FGD5: variants seen among roughly 807,000 people sequenced by gnomAD.
FGD5 encodes the protein FYVE, RhoGEF and PH domain-containing protein 5.
Under a neutral mutation model 133.4 loss-of-function variants are expected in FGD5, and 28 were observed. The ratio of observed to expected loss-of-function variants is 0.21; its 90% CI spans 0.16 to 0.29. The LOEUF is 0.29. Ranked by LOEUF, FGD5 falls within the 10% of genes least tolerant of loss-of-function variation. The pLI is 1.00. For synonymous variants in FGD5, 810 were observed against 776.5 expected, an observed-to-expected ratio of 1.04 and a Z score of -0.72; for missense variants, 1,858 against 1,895.2, an observed-to-expected ratio of 0.98 and a Z score of 0.36.
Position 14,933,347 on chromosome 3 carries a change from T to TC in FGD5, c.*182dup. 2 of 661,728 alleles carry TC rather than the reference T, an allele frequency of 3.0e-6. No homozygotes were observed. Among genetic ancestry groups the TC allele is most frequent in the Non-Finnish European group, 5.4e-6 (2 of 370,608 alleles). 41.0% of individuals were successfully genotyped at this position (661,728 alleles called of 1,614,324 possible). On this transcript the variant is annotated 3_prime_UTR_variant, in exon 20 of 20. Transcript: ENST00000285046. The stretch of plus-strand genomic sequence containing the variant: ...CTTGCCAACATCTTCATGAATGGAA[T>TC]CCTTAAGGGATATTTATGGACCTCT...
At chr3:14,892,556 G>T (rs1575236911) in intron 4 of FGD5, among the ~76,000 whole-genome samples, 2 of 152,036 alleles carry the variant, frequency 1.3e-5, no homozygotes, top group South Asian at 4.2e-4. Flanking sequence ...GGTGGCTCAT[G>T]CCTGTAATCC....
chr3:14,868,160 A>G (rs1253697626), intron 2 of FGD5, among the ~76,000 whole-genome samples: 1 of 152,038 alleles, frequency 6.6e-6, no homozygotes, highest in African/African-American at 2.4e-5. Context: ...GAGACATTCA[A>G]AGACTCGCTG....
At chr3:14,831,760 A>T (rs769414448) in intron 1 of FGD5, among the ~76,000 whole-genome samples, 1 of 152,208 alleles carries the variant, frequency 6.6e-6, no homozygotes, top group Non-Finnish European at 1.5e-5. Flanking sequence ...AGGTGCCAAG[A>T]TCAGCTAGTA....
intron 1 of FGD5, among the ~76,000 whole-genome samples, chr3:14,857,805 C>T (rs747419984): frequency 7.2e-5 from 11 of 152,144 alleles, no homozygotes; most frequent in Admixed American, 1.3e-4. Context: ...GAAACACCAC[C>T]AGTAGCTAAT....
chr3:14,846,323 T>C (rs115872065), intron 1 of FGD5, among the ~76,000 whole-genome samples: 1,845 of 152,224 alleles, frequency 0.012, 38 homozygotes, highest in African/African-American at 0.041. Flanking sequence ...TTTCAGCTCA[T>C]TGCCTCTCTT....
rs377288790 is a variant in FGD5 at position 14,886,061 on chromosome 3, C to T, written c.2748+5289C>T. 8.5e-5 allele frequency among the ~76,000 whole-genome samples: 13 copies of T among 152,314 alleles called. No homozygotes were observed. In the East Asian group the frequency reaches 1.3e-3, roughly 16 times the overall value. ...CTTGTGAAATAAATCCAGAAGCAGG[C>T]GATCCAGGTCAAATCTGGCAACTCC... On this transcript the variant is annotated intron_variant, in intron 4 of 19. Coordinates refer to ENST00000285046, the MANE Select transcript of FGD5 (RefSeq NM_152536.4).
chr3:14,884,609 A>G (rs1399875169), intron 4 of FGD5, among the ~76,000 whole-genome samples: 1 of 152,332 alleles, frequency 6.6e-6, no homozygotes, highest in Middle Eastern at 3.4e-3. Flanking sequence ...GCATAAGACA[A>G]CCATGCTGTT....
chr3:14,853,636 C>CTTTTTTTT (rs34008934), intron 1 of FGD5, among the ~76,000 whole-genome samples: 398 of 37,124 alleles, frequency 0.011, 29 homozygotes, highest in African/African-American at 0.043. Flanking sequence ...AAAAGCGTTC[C>CTTTTTTTT]TTTTTTTTTT....
Position 14,820,425 on chromosome 3 carries a change from G to C in FGD5, c.1354G>C (p.Ala452Pro). ...AGAAGGAGGGCAGGCTGCATCGGAC[G>C]CCCTGGGTGGTTATGGCTCGAAAGA... ...PGEGGQAASD[A>P]LGGYGSKEEL... is the part of the protein sequence containing the mutation. The change falls in exon 1 of 20, where the codon GCC becomes CCC. Residue 452 changes from alanine (A) to proline (P), a missense_variant. Ala to Pro is a conservative substitution (Grantham distance 27). Coordinates refer to ENST00000285046, the MANE Select transcript of FGD5 (RefSeq NM_152536.4). 1 of 1,613,994 alleles carries C rather than the reference G, an allele frequency of 6.2e-7. No individual in the cohort carries two copies. The highest frequency in any genetic ancestry group is 2.2e-5 in the East Asian group (1 of 44,872).
intron 9 of FGD5, among the ~76,000 whole-genome samples, chr3:14,901,878 T>G (rs1390302826): frequency 2.0e-5 from 3 of 152,198 alleles, no homozygotes; most frequent in Non-Finnish European, 4.4e-5. Context: ...AAACCTCCGC[T>G]TAGTGGAGTA....
chr3:14,907,518 G>A, intron 9 of FGD5, 122 bp from the exon 10 acceptor site: 1 of 818,898 alleles, frequency 1.2e-6, no homozygotes, highest in Non-Finnish European at 1.9e-6. Context: ...GGTTGGATTT[G>A]GGGCAGGCCT....
In FGD5 at chr3:14,934,501, G is replaced by T. The variant is rs182914160; in HGVS notation, c.*1334G>T. ...TTACTTGCATTAAATATTTTCAGGG[G>T]AATTTTTTTTTCCAGTTTGCAGTTC... On this transcript the variant is annotated 3_prime_UTR_variant, in exon 20 of 20. Coordinates refer to ENST00000285046, the MANE Select transcript of FGD5 (RefSeq NM_152536.4). The T allele has an allele frequency of 6.6e-6, 1 of 152,138 alleles. No individual in the cohort carries two copies. Among genetic ancestry groups the T allele is most frequent in the African/African-American group, 2.4e-5 (1 of 41,424 alleles). 9.4% of individuals were successfully genotyped at this position (152,138 alleles called of 1,614,324 possible). A position where few individuals can be genotyped will look rare whatever the true frequency, so the allele number is the denominator to read the frequency against.
At position 14,845,675 on chromosome 3, in the gene FGD5, T is replaced by C. The variant is rs1826215; in HGVS notation, c.2526-18453T>C. On this transcript the variant is annotated intron_variant, in intron 1 of 19. Coordinates refer to ENST00000285046, the MANE Select transcript of FGD5 (RefSeq NM_152536.4). ...CCTGGTAACACTTGAAGGTGAACTT[T>C]GCATCAGAAACAAGATCCCCAGGGG... Among the ~76,000 whole-genome samples, 561 of 152,034 alleles carry C rather than the reference T, an allele frequency of 3.7e-3. 6 individuals carry two copies. The highest frequency in any genetic ancestry group is 0.013 in the African/African-American group (527 of 41,458).
intron 4 of FGD5, among the ~76,000 whole-genome samples, chr3:14,888,626 A>AT (rs768107192): frequency 5.3e-5 from 8 of 152,242 alleles, no homozygotes; most frequent in Non-Finnish European, 1.0e-4. Flanking sequence ...CATTTCTGAG[A>AT]TTAGAGTAGC....
Position 14,922,696 on chromosome 3 carries a change from T to G in FGD5, c.3807+148T>G. On this transcript the variant is annotated intron_variant, in intron 15 of 19. Transcript: ENST00000285046. This position sits in a 1 kb window ranked among gnomAD's most constrained non-coding sequence, Gnocchi z 4.1. ...TCACACCAACCCGAGAGGAACAGAT[T>G]GCTAATTCCCATTTTATAGATCATC... is the stretch of plus-strand genomic sequence containing the variant. 1 of 1,141,170 alleles carries G rather than the reference T, an allele frequency of 8.8e-7. No individual in the cohort carries two copies. The highest frequency in any genetic ancestry group is 1.2e-6 in the Non-Finnish European group (1 of 821,066). The allele number at this position is 1,141,170 out of a possible 1,614,324, so 70.7% of individuals were successfully genotyped here.
chr3:14,929,816 TAATGAATG>T (rs766858224), intron 18 of FGD5, among the ~76,000 whole-genome samples: 1 of 152,256 alleles, frequency 6.6e-6, no homozygotes, highest in African/African-American at 2.4e-5. Context: ...GTTCATTTTC[TAATGAATG>T]AATGAATGAA....
intron 9 of FGD5, among the ~76,000 whole-genome samples, chr3:14,905,917 A>G (rs78793397): frequency 0.03 from 4,599 of 152,140 alleles, 238 homozygotes; most frequent in East Asian, 0.22. Context: ...TTACCCCTCA[A>G]GGTGGGGTAA....
At chr3:14,889,451 G>A (rs568516408) in intron 4 of FGD5, among the ~76,000 whole-genome samples, 11 of 152,154 alleles carry the variant, frequency 7.2e-5, no homozygotes, top group African/African-American at 9.6e-5. Context: ...GCCTATAGTC[G>A]GGTTGTCTGT....
chr3:14,885,647 A>G (rs2037912523), intron 4 of FGD5, among the ~76,000 whole-genome samples: 1 of 152,184 alleles, frequency 6.6e-6, no homozygotes, highest in Non-Finnish European at 1.5e-5. Flanking sequence ...GTCTCTGCCT[A>G]CGCGAGTTTG....
Sources: allele counts gnomAD v4.1 joint callset (sites outside exome capture counted in the v4.1 genomes callset), GRCh38; gene constraint gnomAD v4.1.1; non-coding constraint Gnocchi (gnomAD v3.1); transcripts MANE v1.5; gene names NCBI Gene and HGNC (gene_info 2026-07-23, HGNC 2026-07-21).